Variants in PCCA observed in about 807,000 individuals in gnomAD.
PCCA encodes propionyl-CoA carboxylase subunit alpha, also known as propionyl-CoA carboxylase alpha chain, mitochondrial.
In PCCA, 74 loss-of-function variants were observed where a neutral mutation model predicts 101.3. The ratio of observed to expected loss-of-function variants is 0.73; its 90% CI spans 0.61 to 0.89. PCCA has a LOEUF of 0.89. PCCA is among the 40% of genes least tolerant of loss of function. PCCA has a pLI of 0.00. For missense variants in PCCA, 891 were observed against 907.0 expected, an observed-to-expected ratio of 0.98 and a Z score of 0.23; for synonymous variants, 294 against 313.6, an observed-to-expected ratio of 0.94 and a Z score of 0.66.
chr13:100,475,304 C>T (rs1255171167), intron 21 of PCCA, among the ~76,000 whole-genome samples: 2 of 152,178 alleles, frequency 1.3e-5, no homozygotes, highest in Non-Finnish European at 2.9e-5. Context: ...AGCCCCCTAC[C>T]CATTAGCATT....
At chr13:100,146,530 G>A (rs1017745945) in intron 4 of PCCA, among the ~76,000 whole-genome samples, 11 of 150,698 alleles carry the variant, frequency 7.3e-5, no homozygotes, top group African/African-American at 1.7e-4. Flanking sequence ...AGCCAAGATC[G>A]TGCCACTGCA....
At chr13:100,164,587 A>G (rs1202138791) in intron 6 of PCCA, among the ~76,000 whole-genome samples, 1 of 152,204 alleles carries the variant, frequency 6.6e-6, no homozygotes, top group African/African-American at 2.4e-5. Flanking sequence ...CATGTAATCA[A>G]CTTTCACAGA....
At chr13:100,228,356 A>G (rs1198945032) in intron 7 of PCCA, among the ~76,000 whole-genome samples, 1 of 152,098 alleles carries the variant, frequency 6.6e-6, no homozygotes, top group Non-Finnish European at 1.5e-5. Flanking sequence ...TTATTATGTA[A>G]TGTGTCAGAA....
intron 5 of PCCA, among the ~76,000 whole-genome samples, chr13:100,156,141 C>T (rs1183744924): frequency 3.9e-5 from 6 of 152,158 alleles, no homozygotes; most frequent in East Asian, 1.9e-4. Context: ...GATCTTGGCT[C>T]ACTGCAACCT....
At chr13:100,208,749 A>G (rs994430585) in intron 6 of PCCA, among the ~76,000 whole-genome samples, 4 of 152,142 alleles carry the variant, frequency 2.6e-5, no homozygotes, top group Non-Finnish European at 4.4e-5. Context: ...ACCCAGTTAA[A>G]TTCCCACTGG....
intron 18 of PCCA, among the ~76,000 whole-genome samples, chr13:100,358,449 T>C (rs1011143779): frequency 2.0e-5 from 3 of 152,216 alleles, no homozygotes; most frequent in Admixed American, 1.3e-4. Context: ...ATTAAAATCA[T>C]TTTCAAGTAT....
At chr13:100,182,892 A>G (rs2056928518) in intron 6 of PCCA, among the ~76,000 whole-genome samples, 1 of 152,148 alleles carries the variant, frequency 6.6e-6, no homozygotes, top group Non-Finnish European at 1.5e-5. Context: ...GCCATTCACA[A>G]GGTCTACAAC....
chr13:100,479,958 C>T (rs772899298), intron 21 of PCCA, among the ~76,000 whole-genome samples: 1 of 152,174 alleles, frequency 6.6e-6, no homozygotes, highest in Non-Finnish European at 1.5e-5. Flanking sequence ...TCTTTTCTTA[C>T]TTCATGGGTC....
intron 18 of PCCA, among the ~76,000 whole-genome samples, chr13:100,359,160 G>A (rs895336125): frequency 3.3e-5 from 5 of 151,490 alleles, no homozygotes; most frequent in Admixed American, 2.0e-4. Flanking sequence ...AGACAGCCTC[G>A]GTGACTTGTG....
intron 1 of PCCA, 28 bp downstream of exon 1, chr13:100,089,253 C>G (rs764976539): frequency 2.2e-5 from 33 of 1,469,102 alleles, no homozygotes; most frequent in Non-Finnish European, 3.0e-5. Flanking sequence ...CTCGCGGGTC[C>G]GGGCTTCACT....
At chr13:100,107,455 G>A (rs1269516936) in intron 2 of PCCA, among the ~76,000 whole-genome samples, 1 of 152,054 alleles carries the variant, frequency 6.6e-6, no homozygotes, top group African/African-American at 2.4e-5. Flanking sequence ...CTGGGAGGCC[G>A]AGACACGGGA....
rs1474375158 is a variant in PCCA, at chr13:100,384,692, T to C, written c.1746+16118T>C. 2.0e-5 allele frequency among the ~76,000 whole-genome samples: 3 copies of C among 152,182 alleles called. No homozygotes were observed. In the East Asian group the frequency reaches 5.8e-4, roughly 29 times the overall value. ...TTGCCTCTATTGTCAGTTTTTAGGA[T>C]AGGCTTTTAATCTTGAACATGAAAA... On this transcript the variant is annotated intron_variant, in intron 19 of 23. Coordinates refer to ENST00000376285, the MANE Select transcript of PCCA (RefSeq NM_000282.4).
chr13:100,384,327 A>G (rs562946313), intron 19 of PCCA, among the ~76,000 whole-genome samples: 37 of 152,328 alleles, frequency 2.4e-4, no homozygotes, highest in African/African-American at 8.9e-4. Flanking sequence ...TGCCTGGCCA[A>G]AAATTCAATT....
chr13:100,301,629 G>A, intron 13 of PCCA, 26 bp downstream of exon 13: 1 of 1,613,646 alleles, frequency 6.2e-7, no homozygotes, highest in Non-Finnish European at 8.5e-7. Context: ...TTGGGAGGAA[G>A]GATGGTGGTT....
rs1162118685 is a variant in PCCA, at chr13:100,530,079, G to A, written c.2119-19G>A. On this transcript the variant is annotated intron_variant, in intron 23 of 23. Coordinates refer to ENST00000376285, the MANE Select transcript of PCCA (RefSeq NM_000282.4). ...CTAATTCTTACTCTCCCCTCCCCCT[G>A]CATTTTTCAAAATTCAAGGTGAAAT... is the stretch of plus-strand genomic sequence containing the variant. 2 of 1,606,200 alleles carry A rather than the reference G, an allele frequency of 1.2e-6. No homozygotes were observed. Among genetic ancestry groups the A allele is most frequent in the Non-Finnish European group, 1.7e-6 (2 of 1,172,822 alleles).
rs527658358 is a variant in PCCA, at chr13:100,146,144, C to T, written c.301-8835C>T. On this transcript the variant is annotated intron_variant, in intron 4 of 23. Transcript: ENST00000376285. The stretch of plus-strand genomic sequence containing the variant: ...TTAGCAGAGATGGGGTTTTGCCATG[C>T]TGGCCAGGCTGATCTCAAACTCCTG... Among the ~76,000 whole-genome samples the T allele has an allele frequency of 3.5e-3, 526 of 151,364 alleles. 9 individuals carry two copies. Among genetic ancestry groups the T allele is most frequent in the African/African-American group, 0.012 (506 of 41,412 alleles).
At chr13:100,285,773 C>G (rs548405753) in intron 12 of PCCA, among the ~76,000 whole-genome samples, 1 of 152,140 alleles carries the variant, frequency 6.6e-6, no homozygotes, top group Non-Finnish European at 1.5e-5. Context: ...TTATGCTGCC[C>G]GAGATGATCT....
intron 4 of PCCA, 101 bp from the exon 5 acceptor site, chr13:100,154,878 G>A (rs2053711702): frequency 1.2e-6 from 1 of 812,732 alleles, no homozygotes; most frequent in African/African-American, 1.7e-5. Context: ...CTCTATAAAT[G>A]ATAGGCAGAA....
At chr13:100,146,952 G>A (rs1057111441) in intron 4 of PCCA, among the ~76,000 whole-genome samples, 1 of 151,338 alleles carries the variant, frequency 6.6e-6, no homozygotes, top group Non-Finnish European at 1.5e-5. Context: ...AATAAGTTAT[G>A]GTTCATCTAG....
Sources: gnomAD v4.1 joint callset for allele counts (sites outside exome capture counted in the v4.1 genomes callset) on GRCh38, gnomAD v4.1.1 for gene constraint, MANE v1.5 for transcripts, NCBI Gene and HGNC (gene_info 2026-07-23, HGNC 2026-07-21) for gene names.